Variants in PLPPR5 observed in about 807,000 individuals in gnomAD.
PLPPR5 encodes the protein phospholipid phosphatase related 5.
Under a neutral mutation model 33.9 loss-of-function variants are expected in PLPPR5, and 16 were observed. That is an observed-to-expected ratio of 0.47 (90% CI 0.32 to 0.72). The LOEUF is 0.72. Among genes scored for constraint, PLPPR5 ranks in the 30% least tolerant of loss-of-function variants. The pLI is 0.03. For missense variants in PLPPR5, 301 were observed against 406.7 expected, an observed-to-expected ratio of 0.74 and a Z score of 2.23; for synonymous variants, 163 against 150.3, an observed-to-expected ratio of 1.08 and a Z score of -0.62.
chr1:98,937,294 A>C (rs1313187889), intron 3 of PLPPR5, among the ~76,000 whole-genome samples: 1 of 152,182 alleles, frequency 6.6e-6, no homozygotes, highest in Non-Finnish European at 1.5e-5. Context: ...GGCACACTGT[A>C]TTCTCCAAAG....
chr1:98,953,267 C>T lies in PLPPR5; in HGVS notation c.424G>A (p.Val142Ile). The T allele has an allele frequency of 6.2e-7, 1 of 1,613,786 alleles. No homozygotes were observed. Among genetic ancestry groups the T allele is most frequent in the African/African-American group, 1.3e-5 (1 of 74,898 alleles). Residue 142 changes from valine to isoleucine, a missense_variant, in exon 3 of 6, where the codon GTA (valine) becomes ATA (isoleucine). Transcript: ENST00000263177. ...TGTGGGGCCAGATTTCCTGTGACTACTTGTCCAGCATTTACAAAGATATCT... is the reference window on the plus strand; with the variant it reads ...TGTGGGGCCAGATTTCCTGTGACTATTTGTCCAGCATTTACAAAGATATCT... ...ATDIFVNAGQVVTGNLAPHFL... is the reference protein window; with the variant it reads ...ATDIFVNAGQIVTGNLAPHFL...
chr1:98,916,915 G>A (rs564368412), intron 4 of PLPPR5, among the ~76,000 whole-genome samples: 3 of 152,234 alleles, frequency 2.0e-5, no homozygotes, highest in South Asian at 4.2e-4. Flanking sequence ...TTTTGATCCT[G>A]AACATGCCTG....
intron 1 of PLPPR5, among the ~76,000 whole-genome samples, chr1:98,983,887 CT>C (rs750771145): frequency 2.0e-5 from 3 of 150,042 alleles, no homozygotes; most frequent in Non-Finnish European, 4.4e-5. Flanking sequence ...GCATAAATGT[CT>C]TCTTTTGAGA....
chr1:98,942,058 T>TAGAGAGAGAGAGGAAGAAAGAGAGAGAG (rs1650392022), intron 3 of PLPPR5, among the ~76,000 whole-genome samples: 1 of 119,874 alleles, frequency 8.3e-6, no homozygotes, highest in Admixed American at 9.0e-5. Flanking sequence ...ATATGAGAGA[T>TAGAGAGAGAGAGGAAGAAAGAGAGAGAG]AGAGAGAGAG....
Position 98,970,551 on chromosome 1 carries a change from C to T in PLPPR5, c.238-13810G>A, listed in dbSNP as rs138548158. On this transcript the variant is annotated intron_variant, in intron 1 of 5. Transcript: ENST00000263177. ...ATTATATAAATTCATAAATATATTC[C>T]CTTTCCTTGTCATTTTAAAAAGTGA... Among the ~76,000 whole-genome samples the T allele has an allele frequency of 4.0e-3, 601 of 151,216 alleles. 3 individuals carry two copies. The highest frequency in any genetic ancestry group is 0.014 in the African/African-American group (569 of 41,308).
At chr1:98,999,568 G>T (rs1338073683) in intron 1 of PLPPR5, among the ~76,000 whole-genome samples, 1 of 152,188 alleles carries the variant, frequency 6.6e-6, no homozygotes, top group Non-Finnish European at 1.5e-5. Context: ...TAAGAATCCA[G>T]ACACATCTGA....
At chr1:98,953,409 A>T (rs1650873848) in intron 2 of PLPPR5, 89 bp from the exon 3 acceptor site, 1 of 1,426,824 alleles carries the variant, frequency 7.0e-7, no homozygotes, top group East Asian at 2.5e-5. Context: ...TTCAGTTTAC[A>T]ATAAACCAAA....
At chr1:98,981,622 T>C (rs1179743070) in intron 1 of PLPPR5, among the ~76,000 whole-genome samples, 1 of 152,096 alleles carries the variant, frequency 6.6e-6, no homozygotes, top group African/African-American at 2.4e-5. Flanking sequence ...TCTGACTATC[T>C]AGAACCCATT....
intron 3 of PLPPR5, among the ~76,000 whole-genome samples, chr1:98,940,428 G>A (rs1488471761): frequency 6.6e-6 from 1 of 151,868 alleles, no homozygotes; most frequent in Non-Finnish European, 1.5e-5. Context: ...ATCACTTAGG[G>A]GTTAGGGCTT....
intron 5 of PLPPR5, among the ~76,000 whole-genome samples, chr1:98,896,318 T>G (rs1648470810): frequency 6.6e-6 from 1 of 152,152 alleles, no homozygotes; most frequent in Non-Finnish European, 1.5e-5. Context: ...ATGGACTGCC[T>G]GTGAGGCAAA....
In PLPPR5 at chr1:98,891,753, A is replaced by G. The variant is rs752947439; in HGVS notation, c.*1319T>C. On this transcript the variant is annotated 3_prime_UTR_variant, in exon 6 of 6. Coordinates refer to ENST00000263177, the MANE Select transcript of PLPPR5 (RefSeq NM_001037317.2). ...CTTAAAACATAAACATTTAAAATAC[A>G]GCAGAGCTTTCATATTTGTATTCTG... 4 of 152,170 alleles carry G rather than the reference A, an allele frequency of 2.6e-5. No homozygotes were observed. Among genetic ancestry groups the G allele is most frequent in the Non-Finnish European group, 2.9e-5 (2 of 68,022 alleles). The allele number at this position is 152,170 out of a possible 1,614,324, so 9.4% of individuals were successfully genotyped here. A position where few individuals can be genotyped will look rare whatever the true frequency, so the allele number is the denominator to read the frequency against.
intron 1 of PLPPR5, among the ~76,000 whole-genome samples, chr1:98,989,651 G>T (rs1420993933): frequency 6.6e-6 from 1 of 152,098 alleles, no homozygotes; most frequent in Non-Finnish European, 1.5e-5. Flanking sequence ...ATGTCACCAA[G>T]CCAAAACTAA....
chr1:98,901,111 T>C, intron 5 of PLPPR5, among the ~76,000 whole-genome samples: 1 of 152,140 alleles, frequency 6.6e-6, no homozygotes, highest in East Asian at 1.9e-4. Flanking sequence ...ATAAACAAAC[T>C]GTGGTGCATC....
intron 1 of PLPPR5, among the ~76,000 whole-genome samples, chr1:98,964,291 C>A (rs41487951): frequency 0.019 from 2,906 of 152,240 alleles, 100 homozygotes; most frequent in African/African-American, 0.067. Flanking sequence ...TAACTGAGAT[C>A]GACTGAGAAG....
chr1:98,904,612 G>C (rs767861455), intron 5 of PLPPR5, among the ~76,000 whole-genome samples: 3 of 151,960 alleles, frequency 2.0e-5, no homozygotes, highest in African/African-American at 7.3e-5. Context: ...TTATCTCCAT[G>C]TGCTGACCTA....
At chr1:98,960,290 T>A (rs1172019887) in intron 1 of PLPPR5, among the ~76,000 whole-genome samples, 1 of 151,904 alleles carries the variant, frequency 6.6e-6, no homozygotes, top group East Asian at 1.9e-4. Flanking sequence ...TGCAACCTCC[T>A]CCTTCCAGGT....
intron 3 of PLPPR5, among the ~76,000 whole-genome samples, chr1:98,934,516 G>A (rs1420558222): frequency 6.6e-6 from 1 of 152,184 alleles, no homozygotes; most frequent in Admixed American, 6.5e-5. Flanking sequence ...TATTTATGGT[G>A]TCTTTCCCAT....
At chr1:98,941,998 A>G (rs1650387429) in intron 3 of PLPPR5, among the ~76,000 whole-genome samples, 1 of 150,918 alleles carries the variant, frequency 6.6e-6, no homozygotes, top group Admixed American at 6.7e-5. Context: ...ACGTATATAT[A>G]TATATATATA....
intron 1 of PLPPR5, among the ~76,000 whole-genome samples, chr1:98,988,743 T>G (rs1333481915): frequency 6.6e-6 from 1 of 152,140 alleles, no homozygotes; most frequent in Non-Finnish European, 1.5e-5. Flanking sequence ...TATTTGGACA[T>G]ATCATAATAA....
Sources: allele counts gnomAD v4.1 joint callset (sites outside exome capture counted in the v4.1 genomes callset), GRCh38; gene constraint gnomAD v4.1.1; transcripts MANE v1.5; gene names NCBI Gene and HGNC (gene_info 2026-07-23, HGNC 2026-07-21).